Variants in NCAPG2 observed in about 807,000 individuals in gnomAD.
The protein encoded by NCAPG2 is non-SMC condensin II complex subunit G2, also known as condensin-2 complex subunit G2.
A neutral mutation model predicts 141.1 loss-of-function variants in NCAPG2; 53 were observed. That is an observed-to-expected ratio of 0.38 (90% CI 0.30 to 0.47). The LOEUF is 0.47. NCAPG2 is among the 20% of genes least tolerant of loss of function. The pLI, the probability that NCAPG2 is intolerant of heterozygous loss-of-function variation, is 0.99. For synonymous variants in NCAPG2, 499 were observed against 490.7 expected, an observed-to-expected ratio of 1.02 and a Z score of -0.22; for missense variants, 1,087 against 1,389.0, an observed-to-expected ratio of 0.78 and a Z score of 3.46.
chr7:158,665,532 A>T (rs1001643380), intron 13 of NCAPG2: 2 of 152,230 alleles, frequency 1.3e-5, no homozygotes, highest in African/African-American at 4.8e-5. Flanking sequence ...ATTTTTCTCA[A>T]GAACCTTGCT....
rs368572793 is a variant in NCAPG2, at chr7:158,654,658, C to T, written c.2683G>A (p.Gly895Ser). The T allele has an allele frequency of 6.2e-6, 10 of 1,613,968 alleles. No homozygotes were observed. Among genetic ancestry groups the T allele is most frequent in the Non-Finnish European group, 8.5e-6 (10 of 1,180,006 alleles). Residue 895 changes from glycine (G) to serine (S), a missense_variant, in exon 22 of 28, where the codon GGC (glycine) becomes AGC (serine). Coordinates refer to ENST00000356309, the MANE Select transcript of NCAPG2 (RefSeq NM_017760.7). ...ATCTGAAACTGATGGTCACCAAGGCCTACCATAACAACATCTTTACACACA... is the reference window on the plus strand; with the variant it reads ...ATCTGAAACTGATGGTCACCAAGGCTTACCATAACAACATCTTTACACACA... ...LTVCKDVVMVGLGDHQFQMQL... is the reference protein window; with the variant it reads ...LTVCKDVVMVSLGDHQFQMQL...
intron 2 of NCAPG2, chr7:158,696,231 T>C (rs1835434814): frequency 6.6e-6 from 1 of 152,246 alleles, no homozygotes; most frequent in Non-Finnish European, 1.5e-5. Context: ...CTCCAGCCTT[T>C]GTGTGTGGTC....
chr7:158,662,118 G>A lies in NCAPG2; in HGVS notation c.1989+76C>T. On this transcript the variant is annotated intron_variant, in intron 16 of 27. Coordinates refer to ENST00000356309, the MANE Select transcript of NCAPG2 (RefSeq NM_017760.7). The stretch of plus-strand genomic sequence containing the variant: ...AACACAGATCCAGGGAGGTAAACAT[G>A]TTTGAGAACTTTTGTTAAATTCTAA... 27 of 1,374,962 alleles carry A rather than the reference G, an allele frequency of 2.0e-5. No individual in the cohort carries two copies. In the South Asian group the frequency reaches 4.0e-4, roughly 20 times the overall value. The allele number at this position is 1,374,962 out of a possible 1,614,324, so 85.2% of individuals were successfully genotyped here.
intron 12 of NCAPG2, among the ~76,000 whole-genome samples, chr7:158,675,119 G>A (rs543476202): frequency 1.3e-5 from 2 of 152,308 alleles, no homozygotes; most frequent in Admixed American, 6.5e-5. Flanking sequence ...TGGTGTTGGT[G>A]ATAGGTGGGA....
chr7:158,678,127 T>G, intron 11 of NCAPG2, among the ~76,000 whole-genome samples: 1 of 149,556 alleles, frequency 6.7e-6, no homozygotes, highest in Non-Finnish European at 1.5e-5. Context: ...AAAAAAAGGT[T>G]CTCCATATTA....
At position 158,687,332 on chromosome 7, in the gene NCAPG2, T is replaced by C; in HGVS notation, c.767+16A>G. On this transcript the variant is annotated intron_variant, in intron 7 of 27. Transcript: ENST00000356309. ...GATTAAGACAGCACAAAATCTTCAGTACTTTTAACACTTACTTTTGTAATC... is the reference window on the plus strand; with the variant it reads ...GATTAAGACAGCACAAAATCTTCAGCACTTTTAACACTTACTTTTGTAATC... 6.4e-7 allele frequency: 1 copy of C among 1,568,446 alleles called. No individual in the cohort carries two copies. The highest frequency in any genetic ancestry group is 8.7e-7 in the Non-Finnish European group (1 of 1,148,318).
At chr7:158,648,896 C>G (rs1831265335) in intron 24 of NCAPG2, among the ~76,000 whole-genome samples, 1 of 126,028 alleles carries the variant, frequency 7.9e-6, no homozygotes, top group South Asian at 2.7e-4. Context: ...GGCAAATGGA[C>G]TATAACCACG....
At chr7:158,682,338 A>C (rs926501591) in intron 9 of NCAPG2, among the ~76,000 whole-genome samples, 1 of 149,130 alleles carries the variant, frequency 6.7e-6, no homozygotes, top group Non-Finnish European at 1.5e-5. Flanking sequence ...CCACACTGGG[A>C]TGGGGGTGGG....
At chr7:158,638,015 A>C (rs182967143) in intron 27 of NCAPG2, among the ~76,000 whole-genome samples, 8 of 152,196 alleles carry the variant, frequency 5.3e-5, no homozygotes, top group Admixed American at 3.3e-4. Flanking sequence ...ATGGTGGCGC[A>C]TGCCTGTAAT....
chr7:158,697,035 C>G (rs775442670), intron 2 of NCAPG2, among the ~76,000 whole-genome samples: 3 of 152,170 alleles, frequency 2.0e-5, no homozygotes, highest in Non-Finnish European at 4.4e-5. Flanking sequence ...TGTAAACAAA[C>G]CTACTTTTTA....
intron 13 of NCAPG2, chr7:158,667,143 G>A (rs1833027421): frequency 5.1e-6 from 5 of 985,380 alleles, no homozygotes; most frequent in Non-Finnish European, 6.0e-6. Flanking sequence ...AACCTTTCCA[G>A]ACACCTCACA....
chr7:158,651,751 C>T (rs1056746105), intron 23 of NCAPG2, among the ~76,000 whole-genome samples: 4 of 152,172 alleles, frequency 2.6e-5, no homozygotes, highest in Non-Finnish European at 5.9e-5. Context: ...AGGGAAGCCA[C>T]GGGCCCCTTC....
At chr7:158,669,420 G>A (rs2129463668) in intron 13 of NCAPG2, among the ~76,000 whole-genome samples, 1 of 152,170 alleles carries the variant, frequency 6.6e-6, no homozygotes, top group Middle Eastern at 3.4e-3. Context: ...AGTTTTAACA[G>A]GCTGTTTTAA....
chr7:158,639,623 T>G (rs1213794393), intron 27 of NCAPG2, among the ~76,000 whole-genome samples: 1 of 152,120 alleles, frequency 6.6e-6, no homozygotes, highest in Non-Finnish European at 1.5e-5. Flanking sequence ...ACCCAACTAC[T>G]AACATAGAAG....
chr7:158,673,236 G>A (rs11767214), intron 12 of NCAPG2, among the ~76,000 whole-genome samples: 41,403 of 152,196 alleles, frequency 0.27, 5,968 homozygotes, highest in East Asian at 0.4. Context: ...GAGCAAGGGG[G>A]AGAGAGGAAA....
chr7:158,701,729 G>A (rs536659544), intron 2 of NCAPG2, 93 bp downstream of exon 2: 156 of 1,148,736 alleles, frequency 1.4e-4, no homozygotes, highest in Admixed American at 4.4e-4. Context: ...GATTCACTGA[G>A]ATAACTATGT....
At position 158,675,483 on chromosome 7, in the gene NCAPG2, G is replaced by A. The variant is rs781534690; in HGVS notation, c.1320C>T (p.Val440=). ...DTSSADVRCS[V]FKCLPMILDN... ...ATAATTTAAAAAATCTTACCTTAAA[G>A]ACAGAACAACGAACATCAGCTGAGC... The change falls in exon 12 of 28, where the codon GTC becomes GTT. Residue 440 remains valine, a synonymous_variant. Transcript: ENST00000356309. 1.4e-5 allele frequency: 23 copies of A among 1,592,890 alleles called. No individual in the cohort carries two copies. The South Asian group carries it at 2.3e-4, about 16-fold the overall frequency.
At chr7:158,669,070 C>T (rs1209782668) in intron 13 of NCAPG2, among the ~76,000 whole-genome samples, 1 of 152,166 alleles carries the variant, frequency 6.6e-6, no homozygotes, top group Non-Finnish European at 1.5e-5. Context: ...TAGCTTCCAG[C>T]TCCATCCATT....
chr7:158,672,288 G>GTATATA (rs1563549278), intron 12 of NCAPG2, among the ~76,000 whole-genome samples: 10 of 24,600 alleles, frequency 4.1e-4, no homozygotes, highest in Middle Eastern at 0.031. Flanking sequence ...ATGTGTGTGT[G>GTATATA]TGTGTATATA....
Sources: gnomAD v4.1 joint callset for allele counts (sites outside exome capture counted in the v4.1 genomes callset) on GRCh38, gnomAD v4.1.1 for gene constraint, MANE v1.5 for transcripts, NCBI Gene and HGNC (gene_info 2026-07-23, HGNC 2026-07-21) for gene names.